Variants in ALKAL2 observed in about 807,000 individuals in gnomAD.
ALKAL2 encodes ALK and LTK ligand 2, also known as AUG-alpha.
ALKAL2 carries 8 observed loss-of-function variants against 18.5 expected under a neutral mutation model. The observed-to-expected ratio is 0.43, with a 90% CI of 0.25 to 0.78. ALKAL2 has a LOEUF of 0.78. Ranked by LOEUF, ALKAL2 falls within the 30% of genes least tolerant of loss-of-function variation. The pLI is 0.22. For synonymous variants in ALKAL2, 135 were observed against 95.8 expected (o/e 1.41, Z -2.39); for missense variants, 241 against 211.2 (o/e 1.14, Z -0.88).
chr2:284,828 G>C (rs183836982), intron 4 of ALKAL2, among the ~76,000 whole-genome samples: 1 of 152,208 alleles, frequency 6.6e-6, no homozygotes, highest in African/African-American at 2.4e-5. Context: ...TAAGGAAATA[G>C]GTAATATAAA....
At chr2:286,636 G>T (rs1282281415) in intron 2 of ALKAL2, 7 of 260,186 alleles carry the variant, frequency 2.7e-5, no homozygotes, top group Non-Finnish European at 5.0e-5. Flanking sequence ...TAAGAAAACT[G>T]TTTTTTTTTT....
In ALKAL2 at chr2:287,635, G is replaced by T. The variant is rs769642370; in HGVS notation, c.201C>A (p.Ala67=). The part of the protein sequence containing the change: ...KGLQLLGRDC[A]LGRAEAAGLG... ...GCCCCGCCGCCTCCGCGCGGCCCAG[G>T]GCGCAGTCCCGCCCGAGGAGCTGCA... Residue 67 remains alanine, a synonymous_variant, in exon 2 of 6, where the codon GCC becomes GCA. Coordinates refer to ENST00000403610, the MANE Select transcript of ALKAL2 (RefSeq NM_001002919.3). 1 of 1,480,586 alleles carries T rather than the reference G, an allele frequency of 6.8e-7. No individual in the cohort carries two copies. Among genetic ancestry groups the T allele is most frequent in the South Asian group, 1.3e-5 (1 of 78,294 alleles). The allele number at this position is 1,480,586 out of a possible 1,614,324, so 91.7% of individuals were successfully genotyped here.
In ALKAL2 at chr2:288,008, C is replaced by T. The variant is rs1670589410; in HGVS notation, c.-58+5G>A. 2 of 1,228,794 alleles carry T rather than the reference C, an allele frequency of 1.6e-6. No individual in the cohort carries two copies. Among genetic ancestry groups the T allele is most frequent in the South Asian group, 3.8e-5 (1 of 26,562 alleles). The allele number at this position is 1,228,794 out of a possible 1,614,324, so 76.1% of individuals were successfully genotyped here. A position where few individuals can be genotyped will look rare whatever the true frequency, so the allele number is the denominator to read the frequency against. On this transcript the variant is annotated splice_donor_5th_base_variant and intron_variant, in intron 1 of 5. Coordinates refer to ENST00000403610, the MANE Select transcript of ALKAL2 (RefSeq NM_001002919.3). ...GAGCCGCTGGCGCTGGACCCGGCCC[C>T]TCACCTCCGCGGACCCCGAGGAACA...
chr2:283,003 C>A lies in ALKAL2; in HGVS notation c.453+108G>T, dbSNP rs1317664082. ...TGTGCCATCTCTACTTAGAATATGGCTACTTCAGCCAAAGAATGAGTGTTC... is the reference window on the plus strand; with the variant it reads ...TGTGCCATCTCTACTTAGAATATGGATACTTCAGCCAAAGAATGAGTGTTC... On this transcript the variant is annotated intron_variant, in intron 5 of 5. Transcript: ENST00000403610. 3.4e-6 allele frequency: 4 copies of A among 1,164,194 alleles called. No individual in the cohort carries two copies. The African/African-American group carries it at 4.7e-5, about 14-fold the overall frequency. The allele number at this position is 1,164,194 out of a possible 1,614,324, so 72.1% of individuals were successfully genotyped here. A position where few individuals can be genotyped will look rare whatever the true frequency, so the allele number is the denominator to read the frequency against.
chr2:285,351 T>C (rs951178167), intron 4 of ALKAL2, among the ~76,000 whole-genome samples: 1 of 152,154 alleles, frequency 6.6e-6, no homozygotes, highest in Admixed American at 6.6e-5. Flanking sequence ...CGCTGCCTGG[T>C]CCAGCTGGAG....
Position 287,692 on chromosome 2 carries a change from C to A in ALKAL2, c.144G>T (p.Leu48=). ...LRLVVELVQE[L]RKHHSAEHKG... is the part of the protein sequence containing the mutation. ...TGTGCTCCGCCGAGTGGTGCTTCCGCAGCTCCTGGACGAGTTCCACCACCA... is the reference window on the plus strand; with the variant it reads ...TGTGCTCCGCCGAGTGGTGCTTCCGAAGCTCCTGGACGAGTTCCACCACCA... Residue 48 remains leucine (L), a synonymous_variant, in exon 2 of 6, where the codon CTG becomes CTT. Coordinates refer to ENST00000403610, the MANE Select transcript of ALKAL2 (RefSeq NM_001002919.3). 6.7e-7 allele frequency: 1 copy of A among 1,482,098 alleles called. No homozygotes were observed. Among genetic ancestry groups the A allele is most frequent in the Non-Finnish European group, 8.9e-7 (1 of 1,122,734 alleles). The allele number at this position is 1,482,098 out of a possible 1,614,324, so 91.8% of individuals were successfully genotyped here.
intron 2 of ALKAL2, 192 bp downstream of exon 2, chr2:287,391 C>G (rs968924250): frequency 4.6e-6 from 2 of 437,912 alleles, no homozygotes; most frequent in African/African-American, 4.2e-5. Context: ...AGAAGGAGAC[C>G]AGGCGCTTCT....
chr2:280,861 C>T (rs1261622472), intron 5 of ALKAL2, among the ~76,000 whole-genome samples: 1 of 152,252 alleles, frequency 6.6e-6, no homozygotes, highest in Non-Finnish European at 1.5e-5. Context: ...AGAGCCCTTC[C>T]TGCTAAAGGC....
Position 279,954 on chromosome 2 carries a change from A to G in ALKAL2, c.*193T>C. 1 of 613,730 alleles carries G rather than the reference A, an allele frequency of 1.6e-6. No individual in the cohort carries two copies. Among genetic ancestry groups the G allele is most frequent in the South Asian group, 2.3e-5 (1 of 43,974 alleles). 38.0% of individuals were successfully genotyped at this position (613,730 alleles called of 1,614,324 possible). On this transcript the variant is annotated 3_prime_UTR_variant, in exon 6 of 6. Transcript: ENST00000403610. ...AAATAAGTGACAGATAACACTGTCA[A>G]GTACACTGATTTATCGAATATATAT...
Position 288,004 on chromosome 2 carries a change from G to GC in ALKAL2, c.-58+8dup, listed in dbSNP as rs1324286364. The GC allele has an allele frequency of 5.7e-6, 7 of 1,230,308 alleles. No homozygotes were observed. Among genetic ancestry groups the GC allele is most frequent in the Non-Finnish European group, 7.1e-6 (7 of 988,520 alleles). 76.2% of individuals were successfully genotyped at this position (1,230,308 alleles called of 1,614,324 possible). A position where few individuals can be genotyped will look rare whatever the true frequency, so the allele number is the denominator to read the frequency against. On this transcript the variant is annotated intron_variant, in intron 1 of 5. Transcript: ENST00000403610. ...GGAGGAGCCGCTGGCGCTGGACCCGGCCCCTCACCTCCGCGGACCCCGAGG... is the reference window on the plus strand; with the variant it reads ...GGAGGAGCCGCTGGCGCTGGACCCGGCCCCCTCACCTCCGCGGACCCCGAGG...
chr2:283,241 A>G, intron 4 of ALKAL2, 66 bp from the exon 5 acceptor site: 1 of 1,513,882 alleles, frequency 6.6e-7, no homozygotes. Context: ...ATTTTTTTGC[A>G]AGTATATCAG....
At chr2:282,166 T>C (rs1450652984) in intron 5 of ALKAL2, among the ~76,000 whole-genome samples, 9 of 152,182 alleles carry the variant, frequency 5.9e-5, no homozygotes, top group Admixed American at 5.2e-4. Context: ...CTGCCGGTGT[T>C]GGGGTCATGC....
chr2:279,832 T>C lies in ALKAL2; in HGVS notation c.*315A>G, dbSNP rs1210965830. 1.9e-5 allele frequency: 6 copies of C among 319,966 alleles called. No homozygotes were observed. The highest frequency in any genetic ancestry group is 2.1e-5 in the African/African-American group (1 of 47,726). 19.8% of individuals were successfully genotyped at this position (319,966 alleles called of 1,614,324 possible). On this transcript the variant is annotated 3_prime_UTR_variant, in exon 6 of 6. Coordinates refer to ENST00000403610, the MANE Select transcript of ALKAL2 (RefSeq NM_001002919.3). ...GATTCTGCTTATGTTTCTAAAGAAA[T>C]ATTTTTTGCGATTTCACCTAATGAA...
Position 280,150 on chromosome 2 carries a change from C to G in ALKAL2, c.456G>C (p.Gln152His). The G allele has an allele frequency of 6.2e-7, 1 of 1,614,000 alleles. No homozygotes were observed. ...AVSPVCMEDK[Q>H] is the part of the protein sequence containing the mutation. ...GTGCTGCTCCTGTACGGTCTGCTCA[C>G]TGCTGAAAACAAATACATTGCGTGT... Residue 152 changes from glutamine to histidine, a missense_variant and splice_region_variant, in exon 6 of 6, where the codon CAG becomes CAC. Gln to His is a conservative substitution (Grantham distance 24). Transcript: ENST00000403610.
At chr2:282,115 AGATGGAGTGGGGGATGCATGGGCAG>A (rs1391896245) in intron 5 of ALKAL2, among the ~76,000 whole-genome samples, 1 of 152,198 alleles carries the variant, frequency 6.6e-6, no homozygotes, top group African/African-American at 2.4e-5. Flanking sequence ...CTACTGGGAA[AGATGGAGTGGGGGATGCATGGGCAG>A]GACCCGCCAT....
chr2:283,321 A>G (rs546227980), intron 4 of ALKAL2, 146 bp from the exon 5 acceptor site: 50 of 1,437,886 alleles, frequency 3.5e-5, no homozygotes, highest in Middle Eastern at 2.5e-4. Flanking sequence ...ATCTGCAGGC[A>G]TGCATTCTAA....
rs1670279318 is a variant in ALKAL2 at position 279,867 on chromosome 2, ATAT to A, written c.*277_*279del. 5 of 397,154 alleles carry A rather than the reference ATAT, an allele frequency of 1.3e-5. No individual in the cohort carries two copies. The highest frequency in any genetic ancestry group is 2.3e-5 in the Non-Finnish European group (5 of 221,434). 24.6% of individuals were successfully genotyped at this position (397,154 alleles called of 1,614,324 possible). A position where few individuals can be genotyped will look rare whatever the true frequency, so the allele number is the denominator to read the frequency against. On this transcript the variant is annotated 3_prime_UTR_variant, in exon 6 of 6. Coordinates refer to ENST00000403610, the MANE Select transcript of ALKAL2 (RefSeq NM_001002919.3). The stretch of plus-strand genomic sequence containing the variant: ...GATTTCACCTAATGAAGACAATGAA[ATAT>A]TCTGTGTTTTATAGCACTACACGTC...
At chr2:282,488 G>T (rs1473100212) in intron 5 of ALKAL2, among the ~76,000 whole-genome samples, 1 of 152,242 alleles carries the variant, frequency 6.6e-6, no homozygotes, top group Non-Finnish European at 1.5e-5. Flanking sequence ...TGTGGCATTT[G>T]TGTCAGGAAA....
Position 287,853 on chromosome 2 carries a change from G to A in ALKAL2, c.-18C>T. 1 of 1,280,728 alleles carries A rather than the reference G, an allele frequency of 7.8e-7. No homozygotes were observed. The highest frequency in any genetic ancestry group is 3.2e-5 in the East Asian group (1 of 31,218). The allele number at this position is 1,280,728 out of a possible 1,614,324, so 79.3% of individuals were successfully genotyped here. A position where few individuals can be genotyped will look rare whatever the true frequency, so the allele number is the denominator to read the frequency against. On this transcript the variant is annotated 5_prime_UTR_variant, in exon 2 of 6. Coordinates refer to ENST00000403610, the MANE Select transcript of ALKAL2 (RefSeq NM_001002919.3). ...CCGCGCATCGTGCGCTCGGGGCCGC[G>A]GGGCTGGGAGACTCCGACACGCGCC... is the stretch of plus-strand genomic sequence containing the variant.
Sources: allele counts gnomAD v4.1 joint callset (sites outside exome capture counted in the v4.1 genomes callset), GRCh38; gene constraint gnomAD v4.1.1; transcripts MANE v1.5; gene names NCBI Gene and HGNC (gene_info 2026-07-23, HGNC 2026-07-21).